CCKAR: variants seen among roughly 807,000 people sequenced by gnomAD.
CCKAR encodes the protein cholecystokinin receptor type A.
CCKAR carries 21 observed loss-of-function variants against 29.8 expected under a neutral mutation model. The ratio of observed to expected loss-of-function variants is 0.70; its 90% CI spans 0.50 to 1.01. CCKAR has a LOEUF of 1.01. Among genes scored for constraint, CCKAR ranks in the 50% least tolerant of loss-of-function variants. The probability of loss-of-function intolerance (pLI) is 0.00; values close to 1 mark genes in which losing one functional copy is unlikely to be tolerated. For missense variants in CCKAR, 570 were observed against 560.6 expected (o/e 1.02, Z -0.17); for synonymous variants, 238 against 221.3 (o/e 1.08, Z -0.67).
At chr4:26,486,508 G>A (rs1737453847) in intron 2 of CCKAR, among the ~76,000 whole-genome samples, 1 of 152,142 alleles carries the variant, frequency 6.6e-6, no homozygotes, top group Admixed American at 6.5e-5. Context: ...AGGTTTCTCT[G>A]GGTTGGGGAC....
chr4:26,486,959 C>T (rs1737463650), intron 2 of CCKAR, among the ~76,000 whole-genome samples: 1 of 151,978 alleles, frequency 6.6e-6, no homozygotes, highest in Non-Finnish European at 1.5e-5. Flanking sequence ...CTTAGATGGC[C>T]TATGGAAAAA....
intron 2 of CCKAR, among the ~76,000 whole-genome samples, chr4:26,488,059 T>C (rs1459093908): frequency 6.6e-6 from 1 of 152,130 alleles, no homozygotes; most frequent in East Asian, 1.9e-4. Context: ...CTTATAAGGC[T>C]TTCTGGTCAT....
In CCKAR at chr4:26,487,919, CT is replaced by C. The variant is rs35131979; in HGVS notation, c.364+1313del. On this transcript the variant is annotated intron_variant, in intron 2 of 4. Transcript: ENST00000295589. ...GATCTTTTTCCTTTGTAAGTTTTGT[CT>C]TTTTTTTTTTTTTCAGAGGACTTGG... Among the ~76,000 whole-genome samples, 310 of 129,582 alleles carry C rather than the reference CT, an allele frequency of 2.4e-3. 1 individual carries two copies. Among genetic ancestry groups the C allele is most frequent in the Middle Eastern group, 4.3e-3 (1 of 232 alleles). 85.0% of individuals were successfully genotyped at this position (129,582 alleles called of 152,430 possible).
At chr4:26,485,986 G>T in intron 2 of CCKAR, 88 bp from the exon 3 acceptor site, 1 of 1,162,394 alleles carries the variant, frequency 8.6e-7, no homozygotes, top group Non-Finnish European at 1.2e-6. Context: ...GATCTGCACA[G>T]GTTTGATATC....
At chr4:26,489,967 G>A (rs1737526146) in intron 1 of CCKAR, among the ~76,000 whole-genome samples, 189 bp downstream of exon 1, 1 of 151,998 alleles carries the variant, frequency 6.6e-6, no homozygotes, top group African/African-American at 2.4e-5. Flanking sequence ...ACTCCCCCAT[G>A]GGGGACAATA....
chr4:26,489,607 C>G, intron 1 of CCKAR, 123 bp from the exon 2 acceptor site: 6 of 1,018,614 alleles, frequency 5.9e-6, no homozygotes, highest in Non-Finnish European at 8.6e-6. Context: ...ACTGGACCCA[C>G]GATTCCTGTC....
rs773996338 is a variant in CCKAR at position 26,485,907 on chromosome 4, G to A, written c.365-9C>T. 25 of 1,609,016 alleles carry A rather than the reference G, an allele frequency of 1.6e-5. No homozygotes were observed. In the East Asian group the frequency reaches 4.2e-4, roughly 27 times the overall value. ...TACACTCACAGAGGTGCCTGGGAAA[G>A]GAACAAAGAAGCCGGTTATGTTGAC... On this transcript the variant is annotated splice_polypyrimidine_tract_variant and intron_variant, in intron 2 of 4. Coordinates refer to ENST00000295589, the MANE Select transcript of CCKAR (RefSeq NM_000730.3).
At chr4:26,482,293 C>T in intron 4 of CCKAR, 123 bp from the exon 5 acceptor site, 1 of 844,680 alleles carries the variant, frequency 1.2e-6, no homozygotes, top group Non-Finnish European at 1.9e-6. Flanking sequence ...TGGCAGACAA[C>T]CTGGCCTTAC....
chr4:26,488,647 CCTCT>C (rs144126731), intron 2 of CCKAR, among the ~76,000 whole-genome samples: 5 of 150,576 alleles, frequency 3.3e-5, no homozygotes, highest in South Asian at 2.1e-4. Context: ...GGGGCAGAGA[CCTCT>C]CTCTCTCTCT....
chr4:26,488,135 A>T (rs1292681655), intron 2 of CCKAR, among the ~76,000 whole-genome samples: 1 of 151,876 alleles, frequency 6.6e-6, no homozygotes, highest in East Asian at 1.9e-4. Flanking sequence ...ACAAAAAATA[A>T]CTCCCTTCTT....
intron 2 of CCKAR, among the ~76,000 whole-genome samples, chr4:26,486,446 GA>G (rs1378189241): frequency 6.6e-6 from 1 of 152,124 alleles, no homozygotes; most frequent in African/African-American, 2.4e-5. Context: ...GCAGCTTGTT[GA>G]AAAAATAAGT....
At chr4:26,486,455 A>G (rs1281999385) in intron 2 of CCKAR, among the ~76,000 whole-genome samples, 1 of 152,218 alleles carries the variant, frequency 6.6e-6, no homozygotes, top group African/African-American at 2.4e-5. Context: ...TGAAAAAATA[A>G]GTAGTAAAAA....
Position 26,490,414 on chromosome 4 carries a change from C to T in CCKAR, c.-147G>A. Reference sequence around the variant, plus strand: ...GATTTCCAGGTGTGGGCTTTTTCAGCCATTCCTAAAGGCGACTTGAGTTCA... The same window carrying T: ...GATTTCCAGGTGTGGGCTTTTTCAGTCATTCCTAAAGGCGACTTGAGTTCA... On this transcript the variant is annotated 5_prime_UTR_variant, in exon 1 of 5. Coordinates refer to ENST00000295589, the MANE Select transcript of CCKAR (RefSeq NM_000730.3). 1.6e-6 allele frequency: 1 copy of T among 612,616 alleles called. No individual in the cohort carries two copies. The allele number at this position is 612,616 out of a possible 1,614,324, so 37.9% of individuals were successfully genotyped here. A position where few individuals can be genotyped will look rare whatever the true frequency, so the allele number is the denominator to read the frequency against.
chr4:26,490,068 A>G (rs566326463), intron 1 of CCKAR, 88 bp downstream of exon 1: 47 of 777,924 alleles, frequency 6.0e-5, no homozygotes, highest in Non-Finnish European at 9.8e-5. Context: ...TGACTTGGTT[A>G]TATATATTTT....
intron 1 of CCKAR, 73 bp from the exon 2 acceptor site, chr4:26,489,557 G>T (rs902758163): frequency 2.6e-6 from 4 of 1,550,306 alleles, no homozygotes; most frequent in Non-Finnish European, 3.5e-6. Context: ...GAAGCCAAGG[G>T]TGAATTCCTG....
At position 26,489,245 on chromosome 4, in the gene CCKAR, T is replaced by C. The variant is rs776973940; in HGVS notation, c.352A>G (p.Thr118Ala). Residue 118 changes from threonine (T) to alanine (A), a missense_variant, in exon 2 of 5, where the codon ACC becomes GCC. By Grantham distance (58) the Thr-to-Ala change is moderately conservative. Transcript: ENST00000295589. ...AGCAGCAACTTACCCATGAAGTAGG[T>C]GGTGGTCTTGCAAACGGCGCTCCCG... ...IFGSAVCKTT[T>A]YFMGTSVSVS... 6.2e-7 allele frequency: 1 copy of C among 1,613,548 alleles called. No individual in the cohort carries two copies. The highest frequency in any genetic ancestry group is 8.5e-7 in the Non-Finnish European group (1 of 1,179,908).
At chr4:26,486,021 G>T (rs1329451462) in intron 2 of CCKAR, 123 bp from the exon 3 acceptor site, 1 of 779,194 alleles carries the variant, frequency 1.3e-6, no homozygotes, top group Middle Eastern at 3.8e-4. Flanking sequence ...GGAAGGTAAA[G>T]AAATATTGTG....
intron 4 of CCKAR, 120 bp from the exon 5 acceptor site, chr4:26,482,290 C>G: frequency 1.1e-6 from 1 of 888,224 alleles, no homozygotes; most frequent in Non-Finnish European, 1.8e-6. Flanking sequence ...AAATGGCAGA[C>G]AACCTGGCCT....
At chr4:26,485,118 C>T (rs902942229) in intron 3 of CCKAR, among the ~76,000 whole-genome samples, 38 of 150,474 alleles carry the variant, frequency 2.5e-4, no homozygotes, top group African/African-American at 8.6e-4. Context: ...TGCTTGAACC[C>T]GGGAGGTCGA....
Sources: gnomAD v4.1 joint callset for allele counts (sites outside exome capture counted in the v4.1 genomes callset) on GRCh38, gnomAD v4.1.1 for gene constraint, MANE v1.5 for transcripts, NCBI Gene and HGNC (gene_info 2026-07-23, HGNC 2026-07-21) for gene names.